TUFT1: variants seen among roughly 807,000 people sequenced by gnomAD.
The protein encoded by TUFT1 is tuftelin.
A neutral mutation model predicts 57.8 loss-of-function variants in TUFT1; 43 were observed. The ratio of observed to expected loss-of-function variants is 0.74; its 90% CI spans 0.58 to 0.96. TUFT1 has a LOEUF of 0.96. Among genes scored for constraint, TUFT1 ranks in the 40% least tolerant of loss-of-function variants. The pLI, the probability that TUFT1 is intolerant of heterozygous loss-of-function variation, is 0.00. For synonymous variants in TUFT1, 166 were observed against 176.7 expected (o/e 0.94, Z 0.48); for missense variants, 459 against 489.0 (o/e 0.94, Z 0.58).
intron 1 of TUFT1, among the ~76,000 whole-genome samples, chr1:151,552,422 G>A (rs1216052070): frequency 6.6e-6 from 1 of 152,156 alleles, no homozygotes; most frequent in East Asian, 1.9e-4. Context: ...AGGGAAAAAG[G>A]CCCGGGCGCG....
Position 151,567,248 on chromosome 1 carries a change from A to T in TUFT1, c.480+1020A>T, listed in dbSNP as rs1002850729. Among the ~76,000 whole-genome samples, 5 of 149,924 alleles carry T rather than the reference A, an allele frequency of 3.3e-5. 1 individual carries two copies. The highest frequency in any genetic ancestry group is 1.2e-4 in the African/African-American group (5 of 40,566). ...TTATTTTTTGGGACAGGGTCTCCCT[A>T]TGTCATCTGAGCTGGAGTGCAGTGG... On this transcript the variant is annotated intron_variant, in intron 6 of 12. Coordinates refer to ENST00000368849, the MANE Select transcript of TUFT1 (RefSeq NM_020127.3).
intron 2 of TUFT1, 36 bp downstream of exon 2, chr1:151,562,201 C>T: frequency 6.4e-7 from 1 of 1,568,852 alleles, no homozygotes; most frequent in African/African-American, 1.3e-5. Flanking sequence ...GCCCCCTCCC[C>T]ACACCAGTGC....
chr1:151,554,901 A>C (rs1256465436), intron 1 of TUFT1, among the ~76,000 whole-genome samples: 4 of 149,516 alleles, frequency 2.7e-5, no homozygotes, highest in Non-Finnish European at 3.0e-5. Flanking sequence ...ACAGGGTTTC[A>C]GCATGTTGGC....
In TUFT1 at chr1:151,562,624, G is replaced by A; in HGVS notation, c.175G>A (p.Ala59Thr). The change falls in exon 3 of 13, where the codon GCT (alanine) becomes ACT (threonine). Residue 59 changes from alanine to threonine, a missense_variant. Ala to Thr is a moderately conservative substitution (Grantham distance 58, BLOSUM62 0). Transcript: ENST00000368849. Reference protein sequence around the residue: ...KTYAMVSSHSAGHSLASELVE... With the variant: ...KTYAMVSSHSTGHSLASELVE... ...CTATGCCATGGTGTCCAGCCACTCA[G>A]CTGGTCATTCTCTGGCTTCAGAACT... The A allele has an allele frequency of 1.2e-6, 2 of 1,612,976 alleles. No individual in the cohort carries two copies. The highest frequency in any genetic ancestry group is 1.1e-5 in the South Asian group (1 of 91,010).
intron 7 of TUFT1, among the ~76,000 whole-genome samples, chr1:151,570,922 G>T (rs1666232672): frequency 6.6e-6 from 1 of 152,062 alleles, no homozygotes; most frequent in South Asian, 2.1e-4. Context: ...GCCCAGGCTG[G>T]TCTCAAACTC....
intron 12 of TUFT1, 95 bp downstream of exon 12, chr1:151,581,137 G>A: frequency 8.4e-7 from 1 of 1,196,468 alleles, no homozygotes; most frequent in Non-Finnish European, 1.2e-6. Context: ...CAAGAACAAG[G>A]CTCCTTTAAA....
intron 10 of TUFT1, among the ~76,000 whole-genome samples, chr1:151,579,416 G>A (rs952894364): frequency 6.6e-6 from 1 of 152,128 alleles, no homozygotes; most frequent in Non-Finnish European, 1.5e-5. Context: ...AATGGGTTTT[G>A]TCATTCATTA....
intron 4 of TUFT1, 35 bp from the exon 5 acceptor site, chr1:151,564,490 C>A (rs772332188): frequency 6.4e-7 from 1 of 1,550,646 alleles, no homozygotes; most frequent in Non-Finnish European, 8.9e-7. Flanking sequence ...TCTTTCTCTA[C>A]CCTAAAGCTC....
In TUFT1 at chr1:151,574,371, G is replaced by A. The variant is rs1666373652; in HGVS notation, c.696G>A (p.Leu232=). The A allele has an allele frequency of 4.3e-6, 7 of 1,614,160 alleles. No homozygotes were observed. Among genetic ancestry groups the A allele is most frequent in the Non-Finnish European group, 5.9e-6 (7 of 1,180,030 alleles). ...AGAAAGAGGCAGAAGTCGGAGAGCT[G>A]CAGAGGCGCTTGCTAGGGATGGAGA... The part of the protein sequence containing the change: ...VEQKEAEVGE[L]QRRLLGMETE... Residue 232 remains leucine (L), a synonymous_variant, in exon 8 of 13, where the codon CTG becomes CTA. Transcript: ENST00000368849.
chr1:151,565,955 T>G, intron 5 of TUFT1: 2 of 457,078 alleles, frequency 4.4e-6, no homozygotes, highest in East Asian at 3.8e-5. Flanking sequence ...CTTTTCTTCT[T>G]TCGCTTCGTT....
intron 1 of TUFT1, among the ~76,000 whole-genome samples, chr1:151,541,079 T>C (rs1665149669): frequency 6.6e-6 from 1 of 152,132 alleles, no homozygotes; most frequent in African/African-American, 2.4e-5. Context: ...CTTGTAGTTC[T>C]CTTGTTTTCC....
At chr1:151,543,327 ATGTGTGTGTGTGTG>A (rs10626781) in intron 1 of TUFT1, among the ~76,000 whole-genome samples, 5 of 146,752 alleles carry the variant, frequency 3.4e-5, no homozygotes, top group South Asian at 4.3e-4. Flanking sequence ...TTATATATAT[ATGTGTGTGTGTGTG>A]TGTGTGTGTG....
At chr1:151,545,413 A>C (rs1358735781) in intron 1 of TUFT1, among the ~76,000 whole-genome samples, 1 of 152,200 alleles carries the variant, frequency 6.6e-6, no homozygotes. Context: ...CAAATTACTT[A>C]ATTTCTTCAT....
intron 6 of TUFT1, among the ~76,000 whole-genome samples, chr1:151,567,947 G>GA (rs1219627309): frequency 1.3e-5 from 2 of 152,300 alleles, no homozygotes; most frequent in African/African-American, 4.8e-5. Flanking sequence ...AGAAACACAG[G>GA]AAAGTGAAAG....
At chr1:151,571,219 G>A (rs374993832) in intron 7 of TUFT1, among the ~76,000 whole-genome samples, 28 of 152,336 alleles carry the variant, frequency 1.8e-4, no homozygotes, top group South Asian at 6.2e-4. Flanking sequence ...GAGGCTTGGC[G>A]GTGAGGAGGA....
At chr1:151,549,846 C>A (rs147335302) in intron 1 of TUFT1, among the ~76,000 whole-genome samples, 239 of 152,270 alleles carry the variant, frequency 1.6e-3, no homozygotes, top group Non-Finnish European at 2.4e-3. Flanking sequence ...CTCAGCTTCC[C>A]TAGTAGCTGG....
At chr1:151,561,825 C>T (rs1665906866) in intron 1 of TUFT1, 9 of 1,448,844 alleles carry the variant, frequency 6.2e-6, no homozygotes, top group Non-Finnish European at 8.2e-6. Flanking sequence ...ACCAGGGTAG[C>T]CCTGCTGGAG....
At chr1:151,569,244 C>T (rs530089406) in intron 6 of TUFT1, among the ~76,000 whole-genome samples, 10 of 152,158 alleles carry the variant, frequency 6.6e-5, no homozygotes, top group East Asian at 5.8e-4. Context: ...GTGATGGGCG[C>T]GACATAGTCC....
At position 151,581,735 on chromosome 1, in the gene TUFT1, C is replaced by T. The variant is rs1196430450; in HGVS notation, c.*28C>T. On this transcript the variant is annotated 3_prime_UTR_variant, in exon 13 of 13. Coordinates refer to ENST00000368849, the MANE Select transcript of TUFT1 (RefSeq NM_020127.3). ...TGCCTGGAGATGGTTGCTGCCATTGCTGCTGCCTCTGCCTCGGAGAAGCCC... is the reference window on the plus strand; with the variant it reads ...TGCCTGGAGATGGTTGCTGCCATTGTTGCTGCCTCTGCCTCGGAGAAGCCC... The T allele has an allele frequency of 6.2e-7, 1 of 1,613,122 alleles. No homozygotes were observed. Among genetic ancestry groups the T allele is most frequent in the Admixed American group, 1.7e-5 (1 of 60,018 alleles).
Sources: allele counts gnomAD v4.1 joint callset (sites outside exome capture counted in the v4.1 genomes callset), GRCh38; gene constraint gnomAD v4.1.1; transcripts MANE v1.5; gene names NCBI Gene and HGNC (gene_info 2026-07-23, HGNC 2026-07-21).